The following DEFB112 variants were observed in gnomAD, a reference collection of about 807,000 sequenced individuals.
The protein encoded by DEFB112 is beta-defensin 112.
Under a neutral mutation model 1.1 loss-of-function variants are expected in DEFB112, and 2 were observed. The observed-to-expected ratio is 1.85, with a 90% confidence interval of 0.76 to 5.83. The LOEUF is 5.83. DEFB112 is among the 30% of genes most tolerant of loss of function. DEFB112 has a pLI of 0.05. For synonymous variants in DEFB112, 40 were observed against 31.2 expected, an observed-to-expected ratio of 1.28 and a Z score of -0.93; for missense variants, 120 against 94.4, an observed-to-expected ratio of 1.27 and a Z score of -1.12.
chr6:50,043,695 G>A lies in DEFB112; in HGVS notation c.165C>T (p.Tyr55=). ...QCDDSEFRIS[Y]CARPTTHCCV... The stretch of plus-strand genomic sequence containing the variant: ...AGCAATGAGTTGTAGGTCTTGCACA[G>A]TATGAAATCCTAAATTCACTATCAT... The change falls in exon 2 of 2, where the codon TAC becomes TAT. Residue 55 remains tyrosine, a synonymous_variant. Coordinates refer to ENST00000651554, the MANE Select transcript of DEFB112 (RefSeq NM_001369057.2). The A allele has an allele frequency of 6.2e-7, 1 of 1,613,532 alleles. No homozygotes were observed.
intron 1 of DEFB112, among the ~76,000 whole-genome samples, chr6:50,046,451 C>T (rs566741333): frequency 3.3e-5 from 5 of 152,122 alleles, no homozygotes; most frequent in African/African-American, 4.8e-5. Context: ...TCTTAACATT[C>T]TTGTACTGTT....
intron 1 of DEFB112, 125 bp from the exon 2 acceptor site, chr6:50,043,926 T>C (rs1774790599): frequency 2.4e-6 from 2 of 831,010 alleles, no homozygotes; most frequent in Non-Finnish European, 3.7e-6. Context: ...TTGCTTTAAT[T>C]TTTTTGTCCA....
In DEFB112 at chr6:50,048,421, G is replaced by A. The variant is rs562881155; in HGVS notation, c.58+1391C>T. 2.6e-5 allele frequency: 22 copies of A among 832,930 alleles called. No individual in the cohort carries two copies. In the South Asian group the frequency reaches 3.3e-4, roughly 12 times the overall value. The allele number at this position is 832,930 out of a possible 1,614,324, so 51.6% of individuals were successfully genotyped here. A position where few individuals can be genotyped will look rare whatever the true frequency, so the allele number is the denominator to read the frequency against. On this transcript the variant is annotated intron_variant, in intron 1 of 1. Coordinates refer to ENST00000651554, the MANE Select transcript of DEFB112 (RefSeq NM_001369057.2). ...CATAAAGCTATGAGGTGAAAGACAA[G>A]AACATATAAGTAAACAGGGACTGAG...
intron 1 of DEFB112, among the ~76,000 whole-genome samples, chr6:50,045,861 C>G (rs1774822405): frequency 6.6e-6 from 1 of 152,122 alleles, no homozygotes; most frequent in Non-Finnish European, 1.5e-5. Context: ...ACTGTTTATA[C>G]TGATAGTCCC....
chr6:50,044,429 T>C (rs1463917278), intron 1 of DEFB112, among the ~76,000 whole-genome samples: 4 of 152,106 alleles, frequency 2.6e-5, no homozygotes, highest in Non-Finnish European at 5.9e-5. Context: ...CTTTGCCATT[T>C]TTCTCTTTCA....
chr6:50,045,108 AAATAGT>A (rs1307778823), intron 1 of DEFB112, among the ~76,000 whole-genome samples: 2 of 152,022 alleles, frequency 1.3e-5, no homozygotes, highest in African/African-American at 4.8e-5. Flanking sequence ...TTTTATTTGC[AAATAGT>A]AATAGTAATA....
intron 1 of DEFB112, among the ~76,000 whole-genome samples, chr6:50,044,366 C>T (rs963814745): frequency 3.3e-5 from 5 of 152,146 alleles, no homozygotes; most frequent in African/African-American, 1.2e-4. Context: ...TAAATAACCA[C>T]AAGCTGTGGA....
intron 1 of DEFB112, among the ~76,000 whole-genome samples, chr6:50,044,116 C>T (rs1003699411): frequency 3.3e-5 from 5 of 152,010 alleles, no homozygotes; most frequent in African/African-American, 9.7e-5. Flanking sequence ...ATGAGTGGGA[C>T]GATCTCCATC....
chr6:50,048,325 T>C (rs1264065646), intron 1 of DEFB112, among the ~76,000 whole-genome samples: 2 of 152,180 alleles, frequency 1.3e-5, no homozygotes, highest in South Asian at 2.1e-4. Context: ...GCCAGCATTT[T>C]ATCAAAAAAA....
rs111581656 is a variant in DEFB112 at position 50,048,157 on chromosome 6, A to T, written c.58+1655T>A. Among the ~76,000 whole-genome samples, 506 of 152,182 alleles carry T rather than the reference A, an allele frequency of 3.3e-3. 4 individuals carry two copies. Among genetic ancestry groups the T allele is most frequent in the African/African-American group, 9.2e-3 (380 of 41,480 alleles). ...AGTGAAACTCCGTCTCAAAAAAAAAAAAATAAATATGTCCAGCTGTTGAGT... is the reference window on the plus strand; with the variant it reads ...AGTGAAACTCCGTCTCAAAAAAAAATAAATAAATATGTCCAGCTGTTGAGT... On this transcript the variant is annotated intron_variant, in intron 1 of 1. Coordinates refer to ENST00000651554, the MANE Select transcript of DEFB112 (RefSeq NM_001369057.2).
At chr6:50,043,877 A>C in intron 1 of DEFB112, 76 bp from the exon 2 acceptor site, 1 of 1,215,642 alleles carries the variant, frequency 8.2e-7, no homozygotes, top group Admixed American at 1.8e-5. Flanking sequence ...ACATGGGAGT[A>C]ATCACAGACA....
rs932804311 is a variant in DEFB112 at position 50,042,408 on chromosome 6, C to T, written c.*1167G>A. The stretch of plus-strand genomic sequence containing the variant: ...AAGCTGAAATGTGTATATGTCACAG[C>T]AGCATAAGAAACCTACCAGGTACAA... On this transcript the variant is annotated 3_prime_UTR_variant, in exon 2 of 2. Coordinates refer to ENST00000651554, the MANE Select transcript of DEFB112 (RefSeq NM_001369057.2). Among the ~76,000 whole-genome samples, 16 of 152,016 alleles carry T rather than the reference C, an allele frequency of 1.1e-4. No individual in the cohort carries two copies. Among genetic ancestry groups the T allele is most frequent in the African/African-American group, 3.9e-4 (16 of 41,414 alleles).
chr6:50,049,409 A>G (rs1774891005), intron 1 of DEFB112, among the ~76,000 whole-genome samples: 1 of 152,132 alleles, frequency 6.6e-6, no homozygotes, highest in African/African-American at 2.4e-5. Flanking sequence ...CCTCTGCTAT[A>G]AATATCACTG....
intron 1 of DEFB112, chr6:50,048,638 G>A (rs375047649): frequency 6.2e-7 from 1 of 1,611,366 alleles, no homozygotes; most frequent in African/African-American, 1.3e-5. Flanking sequence ...ACATATGGTT[G>A]TCAATAATTT....
chr6:50,047,905 G>A (rs544450121), intron 1 of DEFB112, among the ~76,000 whole-genome samples: 1 of 152,146 alleles, frequency 6.6e-6, no homozygotes, highest in South Asian at 2.1e-4. Flanking sequence ...CAGCATTTTG[G>A]GAGGCCGTGG....
intron 1 of DEFB112, among the ~76,000 whole-genome samples, chr6:50,044,101 T>C (rs1409521570): frequency 1.3e-5 from 2 of 152,086 alleles, no homozygotes; most frequent in Non-Finnish European, 2.9e-5. Context: ...CTAGAACCAT[T>C]GGATATGAGT....
intron 1 of DEFB112, among the ~76,000 whole-genome samples, chr6:50,046,420 C>A (rs189107118): frequency 1.2e-4 from 18 of 152,198 alleles, no homozygotes; most frequent in Admixed American, 5.2e-4. Flanking sequence ...AGGTTATTTG[C>A]TACAGGGAGA....
In DEFB112 at chr6:50,046,684, T is replaced by C. The variant is rs190713747; in HGVS notation, c.59-2883A>G. Among the ~76,000 whole-genome samples, 18 of 152,294 alleles carry C rather than the reference T, an allele frequency of 1.2e-4. No individual in the cohort carries two copies. In the East Asian group the frequency reaches 3.5e-3, roughly 29 times the overall value. On this transcript the variant is annotated intron_variant, in intron 1 of 1. Coordinates refer to ENST00000651554, the MANE Select transcript of DEFB112 (RefSeq NM_001369057.2). Reference sequence around the variant, plus strand: ...GCATTTTCTTATTTATTTATTAGAATTTTAAAATATATTCTAGATTTAAGC... The same window carrying C: ...GCATTTTCTTATTTATTTATTAGAACTTTAAAATATATTCTAGATTTAAGC...
rs1774763837 is a variant in DEFB112 at position 50,042,661 on chromosome 6, T to G, written c.*914A>C. On this transcript the variant is annotated 3_prime_UTR_variant, in exon 2 of 2. Coordinates refer to ENST00000651554, the MANE Select transcript of DEFB112 (RefSeq NM_001369057.2). Reference sequence around the variant, plus strand: ...TCAAAATGTTTGAATAAGGGGAAAATCTTTAATCTAGGTGAGGTATTAAGA... The same window carrying G: ...TCAAAATGTTTGAATAAGGGGAAAAGCTTTAATCTAGGTGAGGTATTAAGA... Among the ~76,000 whole-genome samples, 1 of 151,744 alleles carries G rather than the reference T, an allele frequency of 6.6e-6. No homozygotes were observed. Among genetic ancestry groups the G allele is most frequent in the Non-Finnish European group, 1.5e-5 (1 of 67,932 alleles).
Sources: gnomAD v4.1 joint callset for allele counts (sites outside exome capture counted in the v4.1 genomes callset) on GRCh38, gnomAD v4.1.1 for gene constraint, MANE v1.5 for transcripts, NCBI Gene and HGNC (gene_info 2026-07-23, HGNC 2026-07-21) for gene names.